The following TM9SF2 variants were observed in gnomAD, a reference collection of about 807,000 sequenced individuals.
The protein encoded by TM9SF2 is transmembrane 9 superfamily member 2.
TM9SF2 carries 13 observed loss-of-function variants against 84.9 expected under a neutral mutation model. The observed-to-expected ratio is 0.15, with a 90% confidence interval of 0.10 to 0.24. The LOEUF is 0.24. TM9SF2 is among the 10% of genes least tolerant of loss of function. The pLI is 1.00. For missense variants in TM9SF2, 562 were observed against 818.5 expected, an observed-to-expected ratio of 0.69 and a Z score of 3.82; for synonymous variants, 273 against 285.8, an observed-to-expected ratio of 0.96 and a Z score of 0.45.
At chr13:99,535,743 T>G (rs2046231250) in intron 4 of TM9SF2, among the ~76,000 whole-genome samples, 1 of 152,308 alleles carries the variant, frequency 6.6e-6, no homozygotes, top group South Asian at 2.1e-4. Flanking sequence ...TGGAGTGTCG[T>G]CTTATGACTG....
Position 99,501,587 on chromosome 13 carries a change from C to A in TM9SF2, c.-20C>A. On this transcript the variant is annotated 5_prime_UTR_variant, in exon 1 of 17. Transcript: ENST00000376387. Reference sequence around the variant, plus strand: ...TCTTGACCCCCTAGGTTTGATTGCCCTTTCCCCGAAACAACTATCATGAGC... The same window carrying A: ...TCTTGACCCCCTAGGTTTGATTGCCATTTCCCCGAAACAACTATCATGAGC... 6.2e-7 allele frequency: 1 copy of A among 1,609,736 alleles called. No homozygotes were observed. The highest frequency in any genetic ancestry group is 1.7e-5 in the Admixed American group (1 of 59,712).
At chr13:99,520,640 C>G (rs1003300940) in intron 3 of TM9SF2, among the ~76,000 whole-genome samples, 1 of 152,162 alleles carries the variant, frequency 6.6e-6, no homozygotes, top group Non-Finnish European at 1.5e-5. Flanking sequence ...GAGATCTCAG[C>G]TCACTGCAAC....
rs187469557 is a variant in TM9SF2, at chr13:99,543,717, A to G, written c.1018-146A>G. ...TATTAAGCTCCATGAGTCAAGCTGT[A>G]TTCTTCAAAATTGAAATAGGTACTA... On this transcript the variant is annotated intron_variant, in intron 9 of 16. Transcript: ENST00000376387. 71 of 990,324 alleles carry G rather than the reference A, an allele frequency of 7.2e-5. 1 individual carries two copies. The East Asian group carries it at 1.7e-3, about 24-fold the overall frequency. 61.3% of individuals were successfully genotyped at this position (990,324 alleles called of 1,614,324 possible). A position where few individuals can be genotyped will look rare whatever the true frequency, so the allele number is the denominator to read the frequency against.
At chr13:99,537,678 T>A in intron 5 of TM9SF2, 61 bp from the exon 6 acceptor site, 1 of 1,411,110 alleles carries the variant, frequency 7.1e-7, no homozygotes, top group Non-Finnish European at 9.5e-7. Flanking sequence ...TTTTAAAGTT[T>A]TAAGTTTTGA....
intron 1 of TM9SF2, among the ~76,000 whole-genome samples, chr13:99,508,445 C>CACACACACA (rs1566562106): frequency 1.7e-3 from 173 of 99,658 alleles, no homozygotes; most frequent in African/African-American, 7.0e-3. Context: ...ACACACACAC[C>CACACACACA]CCAGAGATTC....
chr13:99,562,769 T>C lies in TM9SF2; in HGVS notation c.*11T>C. 1 of 1,611,200 alleles carries C rather than the reference T, an allele frequency of 6.2e-7. No individual in the cohort carries two copies. The highest frequency in any genetic ancestry group is 8.5e-7 in the Non-Finnish European group (1 of 1,178,930). The stretch of plus-strand genomic sequence containing the variant: ...GTGAAGGTTGACTGAAGAAGTCCAG[T>C]GTGTCCAGTTAAAACAGAAATAAAT... On this transcript the variant is annotated 3_prime_UTR_variant, in exon 17 of 17. Coordinates refer to ENST00000376387, the MANE Select transcript of TM9SF2 (RefSeq NM_004800.3).
chr13:99,503,360 TA>T (rs2046074804), intron 1 of TM9SF2, among the ~76,000 whole-genome samples: 2 of 152,264 alleles, frequency 1.3e-5, no homozygotes, highest in Admixed American at 1.3e-4. Flanking sequence ...CAAAGTGTGC[TA>T]AAACAAAATG....
chr13:99,528,773 A>G (rs1456227035), intron 3 of TM9SF2, among the ~76,000 whole-genome samples: 1 of 152,248 alleles, frequency 6.6e-6, no homozygotes. Flanking sequence ...ACTATGCTTA[A>G]ACATTCACTT....
intron 3 of TM9SF2, among the ~76,000 whole-genome samples, chr13:99,520,921 A>T (rs1345571114): frequency 6.6e-6 from 1 of 152,190 alleles, no homozygotes; most frequent in Non-Finnish European, 1.5e-5. Flanking sequence ...TTTTTCGAAC[A>T]CCAGTTAAAC....
chr13:99,554,116 G>A (rs1295727987), intron 13 of TM9SF2, among the ~76,000 whole-genome samples, 188 bp from the exon 14 acceptor site: 1 of 152,184 alleles, frequency 6.6e-6, no homozygotes, highest in Non-Finnish European at 1.5e-5. Flanking sequence ...GACAGACTGA[G>A]TATTGTACCT....
Position 99,501,624 on chromosome 13 carries a change from G to A in TM9SF2, c.18G>A (p.Pro6=). The change falls in exon 1 of 17, where the codon CCG becomes CCA. Residue 6 remains proline, a synonymous_variant. Coordinates refer to ENST00000376387, the MANE Select transcript of TM9SF2 (RefSeq NM_004800.3). ...CAACTATCATGAGCGCGAGGCTGCC[G>A]GTGTTGTCTCCACCTCGGTGGCCGC... MSARL[P]VLSPPRWPRL... The A allele has an allele frequency of 2.5e-6, 4 of 1,612,476 alleles. No individual in the cohort carries two copies. The highest frequency in any genetic ancestry group is 3.4e-6 in the Non-Finnish European group (4 of 1,179,256).
intron 1 of TM9SF2, among the ~76,000 whole-genome samples, chr13:99,513,877 A>G (rs2046123498): frequency 6.6e-6 from 1 of 151,446 alleles, no homozygotes; most frequent in African/African-American, 2.4e-5. Context: ...CTTTTGCACT[A>G]CGGCAGTGGC....
chr13:99,530,852 C>G (rs1404381299), intron 4 of TM9SF2, among the ~76,000 whole-genome samples: 1 of 145,096 alleles, frequency 6.9e-6, no homozygotes, highest in African/African-American at 2.5e-5. Flanking sequence ...ATACAATATT[C>G]AAACATAGAA....
chr13:99,524,913 C>T (rs1032997022), intron 3 of TM9SF2, among the ~76,000 whole-genome samples: 7 of 151,466 alleles, frequency 4.6e-5, no homozygotes, highest in Non-Finnish European at 1.0e-4. Flanking sequence ...GCAAAGGACA[C>T]TGAGAAGGAG....
At position 99,562,572 on chromosome 13, in the gene TM9SF2, G is replaced by A. The variant is rs1050553039; in HGVS notation, c.1925-119G>A. 13 of 804,216 alleles carry A rather than the reference G, an allele frequency of 1.6e-5. No homozygotes were observed. The Middle Eastern group carries it at 1.1e-3, about 68-fold the overall frequency. 49.8% of individuals were successfully genotyped at this position (804,216 alleles called of 1,614,324 possible). A position where few individuals can be genotyped will look rare whatever the true frequency, so the allele number is the denominator to read the frequency against. On this transcript the variant is annotated intron_variant, in intron 16 of 16. Transcript: ENST00000376387. ...CATAGATCTGTAGTATATTCCCGGTGGGTAATAGTTTATAGTTTTGCGACT... is the reference window on the plus strand; with the variant it reads ...CATAGATCTGTAGTATATTCCCGGTAGGTAATAGTTTATAGTTTTGCGACT...
Position 99,539,392 on chromosome 13 carries a change from A to C in TM9SF2, c.717-54A>C. ...GTACAAAATCTGTAACCTTTACCTC[A>C]TTTTTAAAAAGTTGTACTTTATCAG... On this transcript the variant is annotated intron_variant, in intron 6 of 16. Coordinates refer to ENST00000376387, the MANE Select transcript of TM9SF2 (RefSeq NM_004800.3). 1.8e-6 allele frequency: 2 copies of C among 1,122,132 alleles called. 1 individual carries two copies. Among genetic ancestry groups the C allele is most frequent in the South Asian group, 2.5e-5 (2 of 79,126 alleles). The allele number at this position is 1,122,132 out of a possible 1,614,324, so 69.5% of individuals were successfully genotyped here.
intron 9 of TM9SF2, 31 bp downstream of exon 9, chr13:99,541,698 C>A: frequency 7.1e-7 from 1 of 1,413,210 alleles, no homozygotes; most frequent in Non-Finnish European, 9.9e-7. Context: ...CTTTAGTCTG[C>A]CAAGGACACT....
rs2046104402 is a variant in TM9SF2 at position 99,509,565 on chromosome 13, C to T, written c.171+7788C>T. Among the ~76,000 whole-genome samples, 4 of 152,300 alleles carry T rather than the reference C, an allele frequency of 2.6e-5. No individual in the cohort carries two copies. The South Asian group carries it at 8.3e-4, about 32-fold the overall frequency. ...CGGCTTGCATTCTGTAAATGGCAGC[C>T]CAAGCTGTACCTCAGCCTCTTTGAG... On this transcript the variant is annotated intron_variant, in intron 1 of 16. Coordinates refer to ENST00000376387, the MANE Select transcript of TM9SF2 (RefSeq NM_004800.3).
chr13:99,520,056 C>T lies in TM9SF2; in HGVS notation c.260C>T (p.Ser87Leu), dbSNP rs986536588. 1.9e-6 allele frequency: 3 copies of T among 1,613,510 alleles called. No homozygotes were observed. In the East Asian group the frequency reaches 6.7e-5, roughly 36 times the overall value. The change falls in exon 3 of 17, where the codon TCA (serine) becomes TTA (leucine). Residue 87 changes from serine to leucine, a missense_variant. Ser to Leu is a moderately radical substitution (Grantham distance 145). Transcript: ENST00000376387. The part of the protein sequence containing the change: ...EYTAFDFCQA[S>L]EGKRPSENLG... ...CCCAGGTTTGATTTTTGCCAAGCAT[C>T]AGAAGGAAAGCGCCCATCTGAAAAT...
Sources: allele counts gnomAD v4.1 joint callset (sites outside exome capture counted in the v4.1 genomes callset), GRCh38; gene constraint gnomAD v4.1.1; transcripts MANE v1.5; gene names NCBI Gene and HGNC (gene_info 2026-07-23, HGNC 2026-07-21).